The following CNTN6 variants were observed in gnomAD, a reference collection of about 807,000 sequenced individuals.
The protein encoded by CNTN6 is contactin-6.
CNTN6 carries 137 observed loss-of-function variants against 122.8 expected under a neutral mutation model. The observed-to-expected ratio is 1.12, with a 90% CI of 0.97 to 1.29. CNTN6 has a LOEUF of 1.29. Ranked by LOEUF, CNTN6 falls within the 50% of genes most tolerant of loss-of-function variation. The probability of loss-of-function intolerance (pLI) is 0.00; values close to 1 mark genes in which losing one functional copy is unlikely to be tolerated. For synonymous variants in CNTN6, 570 were observed against 426.0 expected, an observed-to-expected ratio of 1.34 and a Z score of -4.16; for missense variants, 1,634 against 1,223.4, an observed-to-expected ratio of 1.34 and a Z score of -5.01.
intron 12 of CNTN6, among the ~76,000 whole-genome samples, chr3:1,366,423 A>T (rs1364170760): frequency 1.3e-5 from 2 of 152,016 alleles, no homozygotes; most frequent in African/African-American, 4.8e-5. Flanking sequence ...AACTGCAGCT[A>T]CTCTACTGGC....
chr3:1,281,733 C>T (rs1473118324), intron 5 of CNTN6, among the ~76,000 whole-genome samples: 6 of 152,138 alleles, frequency 3.9e-5, no homozygotes, highest in Non-Finnish European at 8.8e-5. Context: ...CCATCGGGCG[C>T]AGCAAAGGCT....
At position 1,295,625 on chromosome 3, in the gene CNTN6, A is replaced by C; in HGVS notation, c.479A>C (p.Asn160Thr). ...GATTTATCTTATGCATGGACCTTCA[A>C]TGATAACCCCTTATACGTCCAAGAG... ...FGDLSYAWTF[N>T]DNPLYVQEDN... The change falls in exon 6 of 23, where the codon AAT (asparagine) becomes ACT (threonine). Residue 160 changes from asparagine (N) to threonine (T), a missense_variant. Asn to Thr is a moderately conservative substitution (Grantham distance 65). Coordinates refer to ENST00000446702, the MANE Select transcript of CNTN6 (RefSeq NM_001289080.2). 6.2e-7 allele frequency: 1 copy of C among 1,613,830 alleles called. No individual in the cohort carries two copies. Among genetic ancestry groups the C allele is most frequent in the Non-Finnish European group, 8.5e-7 (1 of 1,179,858 alleles).
intron 12 of CNTN6, among the ~76,000 whole-genome samples, chr3:1,364,296 A>G (rs544046137): frequency 2.6e-5 from 4 of 151,912 alleles, no homozygotes; most frequent in African/African-American, 4.8e-5. Context: ...CTATTTATAT[A>G]CTAGTTTACT....
chr3:1,395,153 C>A (rs1315584854), intron 20 of CNTN6, among the ~76,000 whole-genome samples: 2 of 152,082 alleles, frequency 1.3e-5, no homozygotes, highest in East Asian at 3.9e-4. Flanking sequence ...AGTCTCCATC[C>A]CTTTGCATTT....
chr3:1,145,888 T>C (rs2092713675), intron 1 of CNTN6, among the ~76,000 whole-genome samples: 1 of 152,126 alleles, frequency 6.6e-6, no homozygotes, highest in Non-Finnish European at 1.5e-5. Flanking sequence ...GATTAAAGTC[T>C]CCATTGCATA....
chr3:1,249,350 T>C (rs1559609045), intron 4 of CNTN6, among the ~76,000 whole-genome samples: 1 of 152,186 alleles, frequency 6.6e-6, no homozygotes, highest in Non-Finnish European at 1.5e-5. Flanking sequence ...AAGCAGTAAG[T>C]AAAATAAGGT....
At chr3:1,316,481 A>G (rs761742389) in intron 7 of CNTN6, among the ~76,000 whole-genome samples, 5 of 151,882 alleles carry the variant, frequency 3.3e-5, no homozygotes, top group Non-Finnish European at 5.9e-5. Flanking sequence ...TGAGAACAGC[A>G]CCACGGAGAT....
intron 17 of CNTN6, among the ~76,000 whole-genome samples, chr3:1,379,811 ACTT>A (rs543800046): frequency 4.5e-4 from 68 of 152,134 alleles, no homozygotes; most frequent in Non-Finnish European, 9.0e-4. Context: ...TACTGAGCCA[ACTT>A]CTTCTGGTGC....
In CNTN6 at chr3:1,227,971, G is replaced by C; in HGVS notation, c.336G>C (p.Arg112=). ...ATNLLGTILS[R]KAKLQFAYIE... is the part of the protein sequence containing the mutation. ...ATCTTCTGGGGACAATTCTGAGTCG[G>C]AAGGCAAAGCTCCAATTTGCATGTG... The change falls in exon 4 of 23, where the codon CGG becomes CGC. Residue 112 remains arginine, a synonymous_variant. Transcript: ENST00000446702. 2.5e-6 allele frequency: 4 copies of C among 1,613,508 alleles called. No individual in the cohort carries two copies. Among genetic ancestry groups the C allele is most frequent in the Non-Finnish European group, 3.4e-6 (4 of 1,179,776 alleles).
At chr3:1,174,161 G>T (rs1315544878) in intron 2 of CNTN6, among the ~76,000 whole-genome samples, 1 of 152,108 alleles carries the variant, frequency 6.6e-6, no homozygotes, top group Non-Finnish European at 1.5e-5. Context: ...GCAAATCTCA[G>T]CTTGAGGCAT....
chr3:1,329,514 GC>G (rs1701998067), intron 10 of CNTN6, among the ~76,000 whole-genome samples: 1 of 151,494 alleles, frequency 6.6e-6, no homozygotes, highest in African/African-American at 2.4e-5. Flanking sequence ...TTTGCGCCAG[GC>G]ACTATACTAT....
At chr3:1,234,528 A>G (rs991643706) in intron 4 of CNTN6, among the ~76,000 whole-genome samples, 1 of 152,174 alleles carries the variant, frequency 6.6e-6, no homozygotes, top group Non-Finnish European at 1.5e-5. Context: ...GTGCATTTAT[A>G]TCAGAAAAAG....
chr3:1,400,198 G>A lies in CNTN6; in HGVS notation c.2705-1235G>A, dbSNP rs1695508978. 2.0e-5 allele frequency among the ~76,000 whole-genome samples: 3 copies of A among 152,062 alleles called. No individual in the cohort carries two copies. In the South Asian group the frequency reaches 6.2e-4, roughly 32 times the overall value. Reference sequence around the variant, plus strand: ...AAGAGATGCCAAAAACATCTTGTTGGGCAGTTTTATCTTTACTTCCACTTT... The same window carrying A: ...AAGAGATGCCAAAAACATCTTGTTGAGCAGTTTTATCTTTACTTCCACTTT... On this transcript the variant is annotated intron_variant, in intron 20 of 22. Coordinates refer to ENST00000446702, the MANE Select transcript of CNTN6 (RefSeq NM_001289080.2).
intron 5 of CNTN6, among the ~76,000 whole-genome samples, chr3:1,290,755 A>G (rs936054254): frequency 1.3e-5 from 2 of 152,182 alleles, no homozygotes; most frequent in African/African-American, 4.8e-5. Flanking sequence ...TTTAGACCAT[A>G]TAGGGTAACT....
At chr3:1,278,807 G>T (rs1299615080) in intron 5 of CNTN6, among the ~76,000 whole-genome samples, 2 of 152,222 alleles carry the variant, frequency 1.3e-5, no homozygotes, top group African/African-American at 4.8e-5. Context: ...GCTGTGACAG[G>T]CAAACTTCAT....
At chr3:1,133,989 G>A (rs371635067) in intron 1 of CNTN6, among the ~76,000 whole-genome samples, 1 of 133,092 alleles carries the variant, frequency 7.5e-6, no homozygotes, top group African/African-American at 2.8e-5. Flanking sequence ...CTCCTGTGCT[G>A]TAAGCCAGTT....
intron 20 of CNTN6, among the ~76,000 whole-genome samples, chr3:1,388,140 G>T (rs376388166): frequency 5.3e-5 from 8 of 151,504 alleles, no homozygotes; most frequent in Admixed American, 3.3e-4. Context: ...CAGCAGTAAC[G>T]TCTGCAGAGT....
At position 1,253,972 on chromosome 3, in the gene CNTN6, C is replaced by T. The variant is rs144313144; in HGVS notation, c.359-24441C>T. Among the ~76,000 whole-genome samples the T allele has an allele frequency of 2.4e-3, 362 of 152,250 alleles. 2 individuals are homozygous for T. The highest frequency in any genetic ancestry group is 7.9e-3 in the African/African-American group (330 of 41,548). On this transcript the variant is annotated intron_variant, in intron 4 of 22. Coordinates refer to ENST00000446702, the MANE Select transcript of CNTN6 (RefSeq NM_001289080.2). ...TTTTGCATGTGCTTACATGTCTCTG[C>T]GCACACACATAAATTTATATAAATG...
intron 1 of CNTN6, among the ~76,000 whole-genome samples, chr3:1,114,843 A>G (rs547092835): frequency 6.6e-6 from 1 of 152,316 alleles, no homozygotes; most frequent in Admixed American, 6.5e-5. Flanking sequence ...AAGTCACACT[A>G]AAGTGCTTTC....
Sources: gnomAD v4.1 joint callset for allele counts (sites outside exome capture counted in the v4.1 genomes callset) on GRCh38, gnomAD v4.1.1 for gene constraint, MANE v1.5 for transcripts, NCBI Gene and HGNC (gene_info 2026-07-23, HGNC 2026-07-21) for gene names.